Variants in ZFYVE9 observed in about 807,000 individuals in gnomAD.
The protein encoded by ZFYVE9 is zinc finger FYVE-type containing 9, also known as zinc finger FYVE domain-containing protein 9.
ZFYVE9 carries 43 observed loss-of-function variants against 126.7 expected under a neutral mutation model. The observed-to-expected ratio is 0.34, with a 90% confidence interval of 0.27 to 0.44. The LOEUF (loss-of-function observed/expected upper bound fraction) is 0.44. Among genes scored for constraint, ZFYVE9 ranks in the 20% least tolerant of loss-of-function variants. The pLI, the probability that ZFYVE9 is intolerant of heterozygous loss-of-function variation, is 1.00. For synonymous variants in ZFYVE9, 521 were observed against 597.4 expected, an observed-to-expected ratio of 0.87 and a Z score of 1.87; for missense variants, 1,476 against 1,697.0, an observed-to-expected ratio of 0.87 and a Z score of 2.29.
intron 13 of ZFYVE9, among the ~76,000 whole-genome samples, chr1:52,314,805 C>T (rs374062880): frequency 1.2e-4 from 18 of 151,248 alleles, no homozygotes; most frequent in Non-Finnish European, 2.1e-4. Flanking sequence ...GAGTGAGACC[C>T]GGTCTCAAAA....
intron 4 of ZFYVE9, among the ~76,000 whole-genome samples, chr1:52,240,841 C>T (rs1233932461): frequency 6.6e-6 from 1 of 152,062 alleles, no homozygotes; most frequent in Non-Finnish European, 1.5e-5. Flanking sequence ...AGACCATAAC[C>T]AATTACAGGC....
chr1:52,198,120 G>GTTTTTTTTTTTTTTTT (rs373096573), intron 1 of ZFYVE9, among the ~76,000 whole-genome samples: 26 of 111,100 alleles, frequency 2.3e-4, no homozygotes, highest in African/African-American at 2.8e-4. Flanking sequence ...GTTTTTTTTT[G>GTTTTTTTTTTTTTTTT]TTTGTTTTTT....
intron 4 of ZFYVE9, among the ~76,000 whole-genome samples, chr1:52,255,983 TC>T (rs1338976713): frequency 1.5e-5 from 2 of 130,610 alleles, no homozygotes; most frequent in East Asian, 2.7e-4. Flanking sequence ...TTTCTTTCTT[TC>T]CTTCCTTCCT....
chr1:52,329,100 C>G (rs1646317000), intron 13 of ZFYVE9, among the ~76,000 whole-genome samples: 1 of 152,094 alleles, frequency 6.6e-6, no homozygotes, highest in Non-Finnish European at 1.5e-5. Context: ...GATTAGAAGA[C>G]TTAATATTGT....
chr1:52,156,338 T>C (rs376958108), intron 1 of ZFYVE9, among the ~76,000 whole-genome samples: 7 of 152,130 alleles, frequency 4.6e-5, no homozygotes, highest in African/African-American at 1.7e-4. Flanking sequence ...ATCCAACTGG[T>C]TCCTGCAGGG....
At chr1:52,160,692 G>A (rs1644449984) in intron 1 of ZFYVE9, 1 of 501,376 alleles carries the variant, frequency 2.0e-6, no homozygotes, top group African/African-American at 2.0e-5. Context: ...GGGATTACAG[G>A]CGTGAGCCAC....
chr1:52,296,291 A>G (rs1286361813), intron 12 of ZFYVE9, among the ~76,000 whole-genome samples: 2 of 152,000 alleles, frequency 1.3e-5, no homozygotes, highest in Non-Finnish European at 2.9e-5. Flanking sequence ...TATTGTGAGG[A>G]CTAGAAGTAA....
intron 10 of ZFYVE9, among the ~76,000 whole-genome samples, chr1:52,288,675 C>A (rs1045715998): frequency 1.3e-5 from 2 of 152,048 alleles, no homozygotes; most frequent in African/African-American, 4.8e-5. Flanking sequence ...AATCCCAACA[C>A]TTTGGGAAGC....
intron 2 of ZFYVE9, among the ~76,000 whole-genome samples, chr1:52,224,202 TC>T (rs938613921): frequency 5.9e-5 from 9 of 152,284 alleles, no homozygotes; most frequent in Non-Finnish European, 1.2e-4. Context: ...ATTGGAGCTT[TC>T]CTGAGGAAGG....
chr1:52,181,739 C>G (rs922981233), intron 1 of ZFYVE9, among the ~76,000 whole-genome samples: 2 of 151,904 alleles, frequency 1.3e-5, no homozygotes, highest in African/African-American at 2.4e-5. Flanking sequence ...CCCGCTGCCC[C>G]GTCTGGGATG....
rs1451062816 is a variant in ZFYVE9, at chr1:52,201,363, G to T, written c.-142-15006G>T. Among the ~76,000 whole-genome samples the T allele has an allele frequency of 4.8e-5, 7 of 145,278 alleles. No individual in the cohort carries two copies. In the South Asian group the frequency reaches 1.5e-3, roughly 32 times the overall value. On this transcript the variant is annotated intron_variant, in intron 1 of 18. Coordinates refer to ENST00000287727, the MANE Select transcript of ZFYVE9 (RefSeq NM_004799.4). ...CTGCTATAGTCACTTATTCCTGGAGGGTTTTTGGTAATTTTTTTTTTTTTT... is the reference window on the plus strand; with the variant it reads ...CTGCTATAGTCACTTATTCCTGGAGTGTTTTTGGTAATTTTTTTTTTTTTT...
At chr1:52,194,513 T>G (rs1031500533) in intron 1 of ZFYVE9, among the ~76,000 whole-genome samples, 2 of 152,216 alleles carry the variant, frequency 1.3e-5, no homozygotes, top group Non-Finnish European at 2.9e-5. Context: ...CTTTTATTCA[T>G]AATGAAAAAT....
In ZFYVE9 at chr1:52,324,177, A is replaced by T. The variant is rs777792874; in HGVS notation, c.3439-8591A>T. Among the ~76,000 whole-genome samples the T allele has an allele frequency of 1.2e-4, 18 of 152,138 alleles. 1 individual carries two copies. The East Asian group carries it at 3.5e-3, about 29-fold the overall frequency. The stretch of plus-strand genomic sequence containing the variant: ...GGTGGGAGGCTCACTTGAGCCCAAG[A>T]GTTGGAGACTGCAGTAAGCTATGAT... On this transcript the variant is annotated intron_variant, in intron 13 of 18. Coordinates refer to ENST00000287727, the MANE Select transcript of ZFYVE9 (RefSeq NM_004799.4).
At chr1:52,319,824 C>T (rs1466913047) in intron 13 of ZFYVE9, among the ~76,000 whole-genome samples, 2 of 151,186 alleles carry the variant, frequency 1.3e-5, no homozygotes, top group African/African-American at 4.9e-5. Flanking sequence ...ACCATCCTGG[C>T]CAACATGGTG....
In ZFYVE9 at chr1:52,346,096, C is replaced by T; in HGVS notation, c.4153C>T (p.Pro1385Ser). 6.2e-7 allele frequency: 1 copy of T among 1,610,804 alleles called. No homozygotes were observed. The highest frequency in any genetic ancestry group is 1.7e-4 in the Middle Eastern group (1 of 6,042). ...AGCAGGGAGCAATGGCCAGCCCCTT[C>T]CCTCGCAGTACATGAATGATCTGGA... ...YQAGSNGQPLPSQYMNDLDSA... is the reference protein window; with the variant it reads ...YQAGSNGQPLSSQYMNDLDSA... Residue 1385 changes from proline (P) to serine (S), a missense_variant, in exon 19 of 19, where the codon CCC (proline) becomes TCC (serine). Physicochemically the swap from Pro to Ser is moderately conservative, Grantham distance 74. Coordinates refer to ENST00000287727, the MANE Select transcript of ZFYVE9 (RefSeq NM_004799.4).
At chr1:52,183,661 C>A (rs1248803420) in intron 1 of ZFYVE9, among the ~76,000 whole-genome samples, 6 of 151,988 alleles carry the variant, frequency 3.9e-5, no homozygotes, top group Non-Finnish European at 8.8e-5. Flanking sequence ...TGCCACCACA[C>A]CCGGCTAATT....
intron 12 of ZFYVE9, among the ~76,000 whole-genome samples, chr1:52,301,692 G>A (rs183097535): frequency 6.6e-5 from 10 of 152,224 alleles, no homozygotes; most frequent in African/African-American, 2.4e-4. Flanking sequence ...CATGTTTCCC[G>A]TACTTGGGGT....
intron 1 of ZFYVE9, among the ~76,000 whole-genome samples, chr1:52,204,560 C>T (rs1249505273): frequency 6.6e-6 from 1 of 152,100 alleles, no homozygotes; most frequent in Non-Finnish European, 1.5e-5. Context: ...AACCCCGTCT[C>T]TGCTAAAAAT....
At chr1:52,153,991 G>T (rs58297859) in intron 1 of ZFYVE9, among the ~76,000 whole-genome samples, 2,797 of 152,286 alleles carry the variant, frequency 0.018, 105 homozygotes, top group African/African-American at 0.065. Flanking sequence ...AGCTGTGCCT[G>T]CAGCAGGCCA....
Sources: gnomAD v4.1 joint callset for allele counts (sites outside exome capture counted in the v4.1 genomes callset) on GRCh38, gnomAD v4.1.1 for gene constraint, MANE v1.5 for transcripts, NCBI Gene and HGNC (gene_info 2026-07-23, HGNC 2026-07-21) for gene names.